The following ZRANB3 variants were observed in gnomAD, a reference collection of about 807,000 sequenced individuals.
ZRANB3 encodes the protein DNA annealing helicase and endonuclease ZRANB3.
A neutral mutation model predicts 133.8 loss-of-function variants in ZRANB3; 125 were observed. The ratio of observed to expected loss-of-function variants is 0.93; its 90% CI spans 0.81 to 1.08. The LOEUF is 1.08. Among genes scored for constraint, ZRANB3 ranks in the 50% least tolerant of loss-of-function variants. ZRANB3 has a pLI of 0.00. For missense variants in ZRANB3, 1,229 were observed against 1,275.5 expected (o/e 0.96, Z 0.56); for synonymous variants, 387 against 432.7 (o/e 0.89, Z 1.31).
At chr2:135,458,069 G>C (rs1015033133) in intron 2 of ZRANB3, among the ~76,000 whole-genome samples, 2 of 152,028 alleles carry the variant, frequency 1.3e-5, no homozygotes, top group Non-Finnish European at 2.9e-5. Context: ...GTTAATTTTT[G>C]TGAATAGTGT....
At chr2:135,323,301 T>C (rs771701492) in intron 6 of ZRANB3, among the ~76,000 whole-genome samples, 6 of 152,212 alleles carry the variant, frequency 3.9e-5, no homozygotes, top group Admixed American at 6.5e-5. Flanking sequence ...TGTAACAGAA[T>C]GTTTAGTTCT....
In ZRANB3 at chr2:135,386,071, G is replaced by A. The variant is rs1261636150; in HGVS notation, c.180+4731C>T. Among the ~76,000 whole-genome samples the A allele has an allele frequency of 5.9e-5, 9 of 151,442 alleles. No individual in the cohort carries two copies. The South Asian group carries it at 1.1e-3, about 18-fold the overall frequency. On this transcript the variant is annotated intron_variant, in intron 3 of 20. Coordinates refer to ENST00000264159, the MANE Select transcript of ZRANB3 (RefSeq NM_032143.4). ...TGAACAGGCAACATACAGAATGGGA[G>A]AAAATTCTTGCAATCTACCCATCTG...
intron 2 of ZRANB3, among the ~76,000 whole-genome samples, chr2:135,405,915 A>C (rs139443390): frequency 0.044 from 6,734 of 152,252 alleles, 504 homozygotes; most frequent in African/African-American, 0.15. Flanking sequence ...AAAGAAGTAG[A>C]GAAGCAAGAG....
chr2:135,297,090 A>G (rs1682162625), intron 8 of ZRANB3, among the ~76,000 whole-genome samples: 1 of 151,704 alleles, frequency 6.6e-6, no homozygotes, highest in African/African-American at 2.4e-5. Flanking sequence ...GAGAACCACT[A>G]CTCTCTTCAA....
At chr2:135,253,883 T>C (rs1396742646) in intron 12 of ZRANB3, among the ~76,000 whole-genome samples, 3 of 152,194 alleles carry the variant, frequency 2.0e-5, no homozygotes. Flanking sequence ...CACCCTTCCA[T>C]TTGTTTTTCA....
At chr2:135,524,497 A>G (rs1694071768) in intron 1 of ZRANB3, among the ~76,000 whole-genome samples, 1 of 152,216 alleles carries the variant, frequency 6.6e-6, no homozygotes, top group African/African-American at 2.4e-5. Context: ...CTTGGCTTTA[A>G]GAAGTCATAT....
chr2:135,213,209 C>T (rs1260781704), intron 17 of ZRANB3, among the ~76,000 whole-genome samples: 2 of 151,942 alleles, frequency 1.3e-5, no homozygotes, highest in Non-Finnish European at 2.9e-5. Context: ...AATCTGAAAG[C>T]TGTGCAAAAA....
rs866566439 is a variant in ZRANB3, at chr2:135,390,822, T to C, written c.162-2A>G. The C allele has an allele frequency of 1.4e-6, 2 of 1,440,516 alleles. No homozygotes were observed. Among genetic ancestry groups the C allele is most frequent in the Non-Finnish European group, 1.8e-6 (2 of 1,090,946 alleles). The allele number at this position is 1,440,516 out of a possible 1,614,324, so 89.2% of individuals were successfully genotyped here. ...CTTACTTCATCAGCCACCATACACC[T>C]GGAAAAAAAAAAAAAAAAAAATTAA... is the stretch of plus-strand genomic sequence containing the variant. On this transcript the variant is annotated splice_acceptor_variant, in intron 2 of 20. Transcript: ENST00000264159. LOFTEE classifies it high-confidence loss of function.
chr2:135,443,989 T>C (rs903442095), intron 2 of ZRANB3, among the ~76,000 whole-genome samples: 11 of 152,072 alleles, frequency 7.2e-5, no homozygotes, highest in Non-Finnish European at 1.5e-4. Context: ...GACAATTCAC[T>C]AGAGACAATA....
At chr2:135,526,157 ATTTTTTTTTT>A (rs993714638) in intron 1 of ZRANB3, among the ~76,000 whole-genome samples, 1 of 108,078 alleles carries the variant, frequency 9.3e-6, no homozygotes, top group Admixed American at 1.1e-4. Context: ...CTAAGCTATG[ATTTTTTTTTT>A]TTTTTTTTTT....
At chr2:135,417,895 A>G (rs1055774848) in intron 2 of ZRANB3, among the ~76,000 whole-genome samples, 2 of 152,078 alleles carry the variant, frequency 1.3e-5, no homozygotes, top group South Asian at 2.1e-4. Context: ...TCACTCATAG[A>G]TGGGAATTGA....
chr2:135,453,944 C>A (rs1327775429), intron 2 of ZRANB3, among the ~76,000 whole-genome samples: 1 of 152,186 alleles, frequency 6.6e-6, no homozygotes, highest in Non-Finnish European at 1.5e-5. Flanking sequence ...TAAAGACATA[C>A]CCGAAACTGG....
intron 2 of ZRANB3, among the ~76,000 whole-genome samples, chr2:135,398,495 A>G: frequency 6.7e-6 from 1 of 150,238 alleles, no homozygotes; most frequent in East Asian, 2.0e-4. Flanking sequence ...CCTCCTTTGA[A>G]CAAACAAAAA....
chr2:135,419,961 T>C (rs1370735940), intron 2 of ZRANB3, among the ~76,000 whole-genome samples: 1 of 151,398 alleles, frequency 6.6e-6, no homozygotes, highest in Non-Finnish European at 1.5e-5. Context: ...CAATAGAATT[T>C]GTTTTGATTT....
chr2:135,349,989 CAGGCCTTCCTAA>C lies in ZRANB3; in HGVS notation c.574_585del (p.Leu192_Pro195del). On this transcript the variant is annotated inframe_deletion, in exon 5 of 21. Coordinates refer to ENST00000264159, the MANE Select transcript of ZRANB3 (RefSeq NM_032143.4). ...AAGTATAAGGATTGTAATACCTCTT[CAGGCCTTCCTAA>C]AGCTGGTGTTCCTGTAAGAAGAATG... 1 of 1,613,344 alleles carries C rather than the reference CAGGCCTTCCTAA, an allele frequency of 6.2e-7. No homozygotes were observed. The highest frequency in any genetic ancestry group is 8.5e-7 in the Non-Finnish European group (1 of 1,179,666).
At chr2:135,285,399 A>G (rs1681307664) in intron 8 of ZRANB3, among the ~76,000 whole-genome samples, 1 of 152,200 alleles carries the variant, frequency 6.6e-6, no homozygotes, top group South Asian at 2.1e-4. Context: ...GAGTGTCCCC[A>G]ATTCAGAGCC....
At chr2:135,222,027 ATAT>A (rs1395688890) in intron 15 of ZRANB3, among the ~76,000 whole-genome samples, 1 of 152,248 alleles carries the variant, frequency 6.6e-6, no homozygotes, top group African/African-American at 2.4e-5. Context: ...CATCTCCAAC[ATAT>A]TATCTTTTAA....
chr2:135,382,751 G>A (rs113928419), intron 3 of ZRANB3, among the ~76,000 whole-genome samples: 1 of 152,174 alleles, frequency 6.6e-6, no homozygotes, highest in Non-Finnish European at 1.5e-5. Context: ...AGCTTCATAA[G>A]TGAAGGAGAA....
chr2:135,516,654 T>C (rs1693711801), intron 1 of ZRANB3, among the ~76,000 whole-genome samples: 1 of 152,218 alleles, frequency 6.6e-6, no homozygotes, highest in African/African-American at 2.4e-5. Context: ...TCTGATGAGC[T>C]TCCCTTCGTT....
Sources: allele counts gnomAD v4.1 joint callset (sites outside exome capture counted in the v4.1 genomes callset), GRCh38; gene constraint gnomAD v4.1.1; transcripts MANE v1.5; gene names NCBI Gene and HGNC (gene_info 2026-07-23, HGNC 2026-07-21).